The following PTPRD variants were observed in gnomAD, a reference collection of about 807,000 sequenced individuals.
The protein encoded by PTPRD is receptor-type tyrosine-protein phosphatase delta.
A neutral mutation model predicts 214.5 loss-of-function variants in PTPRD; 34 were observed. That is an observed-to-expected ratio of 0.16 (90% CI 0.12 to 0.21). The LOEUF (loss-of-function observed/expected upper bound fraction) is 0.21. Ranked by LOEUF, PTPRD falls within the 10% of genes least tolerant of loss-of-function variation. The pLI, the probability that PTPRD is intolerant of heterozygous loss-of-function variation, is 1.00. For missense variants in PTPRD, 2,545 were observed against 2,398.7 expected, an observed-to-expected ratio of 1.06 and a Z score of -1.27; for synonymous variants, 1,128 against 845.7, an observed-to-expected ratio of 1.33 and a Z score of -5.79.
intron 11 of PTPRD, among the ~76,000 whole-genome samples, chr9:8,977,303 T>C (rs2099273254): frequency 6.6e-6 from 1 of 152,136 alleles, no homozygotes; most frequent in Non-Finnish European, 1.5e-5. Flanking sequence ...ACTTGGATCC[T>C]ATCATCCCTA....
chr9:9,088,406 C>A (rs1478775706), intron 10 of PTPRD, among the ~76,000 whole-genome samples: 2 of 150,828 alleles, frequency 1.3e-5, no homozygotes, highest in Admixed American at 1.3e-4. Flanking sequence ...ATGGTGAAAC[C>A]CTGTCTCTAC....
intron 10 of PTPRD, among the ~76,000 whole-genome samples, chr9:9,019,607 G>C (rs2099555196): frequency 6.6e-6 from 1 of 152,198 alleles, no homozygotes; most frequent in Admixed American, 6.5e-5. Context: ...TCAGGAGGCT[G>C]AGGCAGGAGA....
intron 11 of PTPRD, among the ~76,000 whole-genome samples, chr9:8,859,173 A>G (rs1163304104): frequency 6.6e-6 from 1 of 152,224 alleles, no homozygotes; most frequent in Non-Finnish European, 1.5e-5. Context: ...CCAAAATCTT[A>G]GTGTGATAAC....
At chr9:10,569,063 A>C (rs1209649035) in intron 2 of PTPRD, among the ~76,000 whole-genome samples, 1 of 152,180 alleles carries the variant, frequency 6.6e-6, no homozygotes, top group East Asian at 1.9e-4. Flanking sequence ...CATGAACTCA[A>C]ACAAATTTAC....
chr9:9,513,961 C>T (rs1206380684), intron 8 of PTPRD, among the ~76,000 whole-genome samples: 1 of 151,972 alleles, frequency 6.6e-6, no homozygotes, highest in South Asian at 2.1e-4. Flanking sequence ...AAGCTGGTAC[C>T]AGTTTCAGGC....
intron 14 of PTPRD, among the ~76,000 whole-genome samples, chr9:8,618,304 G>A (rs2095679775): frequency 6.6e-6 from 1 of 152,054 alleles, no homozygotes; most frequent in Non-Finnish European, 1.5e-5. Flanking sequence ...CCCTTAATCT[G>A]ATACATATTA....
At chr9:9,701,161 G>A (rs2097492858) in intron 7 of PTPRD, among the ~76,000 whole-genome samples, 1 of 152,096 alleles carries the variant, frequency 6.6e-6, no homozygotes, top group Admixed American at 6.6e-5. Flanking sequence ...TCTTGGATGA[G>A]CTTAGGAATT....
At chr9:9,898,991 C>CA (rs1395216327) in intron 5 of PTPRD, among the ~76,000 whole-genome samples, 1 of 151,934 alleles carries the variant, frequency 6.6e-6, no homozygotes, top group East Asian at 1.9e-4. Flanking sequence ...AACAAATCCC[C>CA]AAAAAACTAC....
chr9:9,185,806 T>C (rs185968505), intron 9 of PTPRD, among the ~76,000 whole-genome samples: 119 of 152,142 alleles, frequency 7.8e-4, no homozygotes, highest in African/African-American at 2.7e-3. Context: ...CAGGCAAACA[T>C]GCGTTGGATT....
intron 8 of PTPRD, among the ~76,000 whole-genome samples, chr9:9,545,064 A>G (rs1391187948): frequency 6.6e-6 from 1 of 151,760 alleles, no homozygotes; most frequent in Non-Finnish European, 1.5e-5. Context: ...TGTCCCACAT[A>G]TGGATAAGGT....
At chr9:9,275,128 TTATATATAATA>T (rs1195375241) in intron 9 of PTPRD, among the ~76,000 whole-genome samples, 3 of 49,784 alleles carry the variant, frequency 6.0e-5, no homozygotes, top group African/African-American at 1.5e-4. Flanking sequence ...ATTATATATA[TTATATATAATA>T]TATATATAAT....
chr9:9,182,409 A>G lies in PTPRD; in HGVS notation c.-143+895T>C, dbSNP rs961906354. ...TTTGAGCATGCTAACGAACTTTTAA[A>G]CCTCACAGACTTTATTTAGAAAGTT... On this transcript the variant is annotated intron_variant, in intron 10 of 45. Coordinates refer to ENST00000381196, the MANE Select transcript of PTPRD (RefSeq NM_002839.4). Among the ~76,000 whole-genome samples the G allele has an allele frequency of 2.0e-5, 3 of 152,098 alleles. No homozygotes were observed. In the East Asian group the frequency reaches 5.8e-4, roughly 30 times the overall value.
chr9:10,541,504 A>T, intron 2 of PTPRD, among the ~76,000 whole-genome samples: 1 of 152,032 alleles, frequency 6.6e-6, no homozygotes, highest in Admixed American at 6.6e-5. Flanking sequence ...AAGTTTATGC[A>T]GTGAGTGTAT....
In PTPRD at chr9:9,876,120, G is replaced by A. The variant is rs563011342; in HGVS notation, c.-368+62387C>T. On this transcript the variant is annotated intron_variant, in intron 5 of 45. Coordinates refer to ENST00000381196, the MANE Select transcript of PTPRD (RefSeq NM_002839.4). ...ATAGGCCAGTAAGAGATTGTGTTTT[G>A]AACCAAGGATTATGATTACTATGAT... Among the ~76,000 whole-genome samples the A allele has an allele frequency of 2.6e-5, 4 of 152,216 alleles. No homozygotes were observed. In the South Asian group the frequency reaches 8.3e-4, roughly 32 times the overall value.
intron 10 of PTPRD, among the ~76,000 whole-genome samples, chr9:9,100,216 C>A (rs1236140962): frequency 6.6e-6 from 1 of 152,028 alleles, no homozygotes; most frequent in Non-Finnish European, 1.5e-5. Context: ...TACCATAATT[C>A]AAAAACATAT....
chr9:9,690,316 C>T (rs186081600), intron 7 of PTPRD, among the ~76,000 whole-genome samples: 49 of 151,878 alleles, frequency 3.2e-4, no homozygotes, highest in African/African-American at 1.1e-3. Flanking sequence ...AGATCTTTTG[C>T]CCATTTTTAA....
intron 8 of PTPRD, among the ~76,000 whole-genome samples, chr9:9,540,580 A>G (rs1472553317): frequency 1.3e-5 from 2 of 151,892 alleles, no homozygotes; most frequent in Non-Finnish European, 2.9e-5. Context: ...AAGAAGTGGC[A>G]ATAACACATA....
chr9:8,643,250 T>C (rs935807504), intron 12 of PTPRD, among the ~76,000 whole-genome samples: 2 of 152,136 alleles, frequency 1.3e-5, no homozygotes, highest in Non-Finnish European at 2.9e-5. Flanking sequence ...GTTTAATATA[T>C]CTTATATACG....
chr9:10,389,208 G>A (rs2097999934), intron 2 of PTPRD, among the ~76,000 whole-genome samples: 2 of 151,746 alleles, frequency 1.3e-5, no homozygotes, highest in Admixed American at 1.3e-4. Flanking sequence ...ATATAATCAT[G>A]TTTTTCACAC....
Sources: allele counts gnomAD v4.1 joint callset (sites outside exome capture counted in the v4.1 genomes callset), GRCh38; gene constraint gnomAD v4.1.1; transcripts MANE v1.5; gene names NCBI Gene and HGNC (gene_info 2026-07-23, HGNC 2026-07-21).